Variants in DOCK11 observed in about 807,000 individuals in gnomAD.
The protein encoded by DOCK11 is dedicator of cytokinesis protein 11.
A neutral mutation model predicts 169.1 loss-of-function variants in DOCK11; 70 were observed. The ratio of observed to expected loss-of-function variants is 0.41; its 90% CI spans 0.34 to 0.51. The LOEUF is 0.51. DOCK11 is among the 20% of genes least tolerant of loss of function. DOCK11 has a pLI of 0.10. For synonymous variants in DOCK11, 529 were observed against 541.3 expected (o/e 0.98, Z 0.32); for missense variants, 1,166 against 1,538.8 (o/e 0.76, Z 4.05).
chrX:118,529,821 C>T (rs2011467258), intron 1 of DOCK11, among the ~76,000 whole-genome samples: 2 of 110,898 alleles, frequency 1.8e-5, no homozygotes, highest in Admixed American at 1.9e-4. Flanking sequence ...GTAGACATAA[C>T]CAGGCAGAGA....
chrX:118,675,181 G>A (rs757785051), intron 46 of DOCK11, among the ~76,000 whole-genome samples: 10 of 111,754 alleles, frequency 8.9e-5, no homozygotes, highest in South Asian at 3.7e-4. Flanking sequence ...CTGGAAGTGC[G>A]GAAAAACATA....
At chrX:118,565,101 A>ATT (rs142167945) in intron 7 of DOCK11, among the ~76,000 whole-genome samples, 13 of 105,005 alleles carry the variant, frequency 1.2e-4, no homozygotes, top group Admixed American at 4.2e-4. Flanking sequence ...ACGCCTGGCT[A>ATT]TTTTTTTTTG....
chrX:118,648,024 TATA>T lies in DOCK11; in HGVS notation c.4399-917_4399-915del, dbSNP rs1371087494. Among the ~76,000 whole-genome samples the T allele has an allele frequency of 8.2e-4, 30 of 36,779 alleles. 1 individual carries two copies. The highest frequency in any genetic ancestry group is 1.1e-3 in the Non-Finnish European group (24 of 22,015). 31.9% of individuals were successfully genotyped at this position (36,779 alleles called of 115,157 possible). A position where few individuals can be genotyped will look rare whatever the true frequency, so the allele number is the denominator to read the frequency against. On this transcript the variant is annotated intron_variant, in intron 40 of 52. Coordinates refer to ENST00000276202, the MANE Select transcript of DOCK11 (RefSeq NM_144658.4). ...TATTATTATAATATATAATATAAAT[TATA>T]ATATTATATAATAATATAATATATA...
At chrX:118,573,700 A>G in intron 11 of DOCK11, 106 bp from the exon 12 acceptor site, 1 of 598,527 alleles carries the variant, frequency 1.7e-6, no homozygotes, top group Non-Finnish European at 2.7e-6. Context: ...AAGGAATTGT[A>G]ATCACAGAAA....
intron 40 of DOCK11, among the ~76,000 whole-genome samples, chrX:118,647,705 A>T (rs1426258205): frequency 1.9e-5 from 1 of 52,973 alleles, no homozygotes; most frequent in Non-Finnish European, 3.1e-5. Context: ...TATAATATAT[A>T]ATAATATAAT....
intron 11 of DOCK11, 77 bp from the exon 12 acceptor site, chrX:118,573,729 T>C: frequency 1.2e-6 from 1 of 826,440 alleles, no homozygotes; most frequent in Non-Finnish European, 1.7e-6. Flanking sequence ...ATACAAAACT[T>C]ATTTTGCACT....
intron 12 of DOCK11, among the ~76,000 whole-genome samples, chrX:118,575,418 C>G (rs1345806262): frequency 8.9e-6 from 1 of 112,470 alleles, no homozygotes; most frequent in Non-Finnish European, 1.9e-5. Context: ...AGAAATAATG[C>G]TGCATTGAAC....
Position 118,598,135 on chromosome X carries a change from A to G in DOCK11, c.2472+19A>G. ...CACTCAAGTAAGTTGCATCATTTGA[A>G]TTTTGTCAATTTTTATACTTGAGTT... On this transcript the variant is annotated intron_variant, in intron 22 of 52. Transcript: ENST00000276202. The G allele has an allele frequency of 9.0e-7, 1 of 1,109,028 alleles. No homozygotes were observed. Among genetic ancestry groups the G allele is most frequent in the South Asian group, 2.0e-5 (1 of 49,693 alleles). The allele number at this position is 1,109,028 out of a possible 1,213,427, so 91.4% of individuals were successfully genotyped here. A position where few individuals can be genotyped will look rare whatever the true frequency, so the allele number is the denominator to read the frequency against.
intron 41 of DOCK11, among the ~76,000 whole-genome samples, chrX:118,651,165 G>A (rs2015936221): frequency 8.9e-6 from 1 of 112,034 alleles, no homozygotes; most frequent in Non-Finnish European, 1.9e-5. Context: ...CAAAGACAGT[G>A]GTTCATGCCT....
intron 1 of DOCK11, among the ~76,000 whole-genome samples, chrX:118,509,118 C>A (rs1451556545): frequency 8.9e-6 from 1 of 111,863 alleles, no homozygotes; most frequent in Non-Finnish European, 1.9e-5. Flanking sequence ...CCATAGCTAA[C>A]CCCCTGCCTC....
chrX:118,658,206 G>C (rs1288466450), intron 44 of DOCK11, among the ~76,000 whole-genome samples: 3 of 112,186 alleles, frequency 2.7e-5, no homozygotes, highest in South Asian at 7.4e-4. Flanking sequence ...GAAGCCAAGA[G>C]GGAAGGAGCA....
chrX:118,624,686 T>G (rs753660772), intron 32 of DOCK11, 31 bp downstream of exon 32: 1 of 1,012,657 alleles, frequency 9.9e-7, no homozygotes, highest in African/African-American at 1.9e-5. Flanking sequence ...GTTGGAGTTT[T>G]ATCCTATTTT....
intron 44 of DOCK11, among the ~76,000 whole-genome samples, chrX:118,655,380 T>C (rs1332933823): frequency 9.0e-6 from 1 of 111,633 alleles, no homozygotes; most frequent in Non-Finnish European, 1.9e-5. Context: ...TTTCCAAGAC[T>C]GTCCCTCCCT....
At chrX:118,667,168 C>T (rs182182171) in intron 45 of DOCK11, among the ~76,000 whole-genome samples, 5 of 111,508 alleles carry the variant, frequency 4.5e-5, no homozygotes. Context: ...CTTGACCATT[C>T]ACTTTCTTAA....
At chrX:118,549,364 G>A (rs897414615) in intron 6 of DOCK11, among the ~76,000 whole-genome samples, 3 of 108,680 alleles carry the variant, frequency 2.8e-5, no homozygotes, top group African/African-American at 6.8e-5. Flanking sequence ...GGCTCGTCTC[G>A]AACTCCTGAT....
In DOCK11 at chrX:118,516,004, A is replaced by ACTCTATATAT. The variant is rs1436837389; in HGVS notation, c.102+19931_102+19932insCTCTATATAT. Among the ~76,000 whole-genome samples, 2 of 44,952 alleles carry ACTCTATATAT rather than the reference A, an allele frequency of 4.4e-5. 1 individual carries two copies. Among genetic ancestry groups the ACTCTATATAT allele is most frequent in the African/African-American group, 2.3e-4 (2 of 8,524 alleles). 39.0% of individuals were successfully genotyped at this position (44,952 alleles called of 115,157 possible). A position where few individuals can be genotyped will look rare whatever the true frequency, so the allele number is the denominator to read the frequency against. On this transcript the variant is annotated intron_variant, in intron 1 of 52. Transcript: ENST00000276202. ...ATGTTCAAAAGTAAGGATTTGGGCA[A>ACTCTATATAT]ATATATATATATATACATTCTTACA...
In DOCK11 at chrX:118,496,039, G is replaced by C. The variant is rs2147298600; in HGVS notation, c.68G>C (p.Ser23Thr). 1 of 1,091,887 alleles carries C rather than the reference G, an allele frequency of 9.2e-7. No homozygotes were observed. Among genetic ancestry groups the C allele is most frequent in the Non-Finnish European group, 1.2e-6 (1 of 841,541 alleles). 90.0% of individuals were successfully genotyped at this position (1,091,887 alleles called of 1,213,427 possible). A position where few individuals can be genotyped will look rare whatever the true frequency, so the allele number is the denominator to read the frequency against. Reference protein sequence around the residue: ...KPGTAAELRQSVSEAVRGSVV... With the variant: ...KPGTAAELRQTVSEAVRGSVV... ...GGCACGGCGGCTGAGCTCCGGCAGA[G>C]CGTGTCTGAGGCCGTGCGGGGCTCC... The change falls in exon 1 of 53, where the codon AGC becomes ACC. Residue 23 changes from serine (S) to threonine (T), a missense_variant. Coordinates refer to ENST00000276202, the MANE Select transcript of DOCK11 (RefSeq NM_144658.4).
intron 1 of DOCK11, among the ~76,000 whole-genome samples, chrX:118,533,791 TTTTG>T (rs1569409156): frequency 8.9e-6 from 1 of 112,276 alleles, no homozygotes; most frequent in Non-Finnish European, 1.9e-5. Context: ...AGAGATGTCT[TTTTG>T]TTGTTGTTGT....
intron 1 of DOCK11, among the ~76,000 whole-genome samples, chrX:118,509,332 G>A (rs978929834): frequency 3.6e-5 from 4 of 110,034 alleles, no homozygotes; most frequent in African/African-American, 1.0e-4. Context: ...GTGCAATCTC[G>A]GCTCACTGAA....
Sources: allele counts gnomAD v4.1 joint callset (sites outside exome capture counted in the v4.1 genomes callset), GRCh38; gene constraint gnomAD v4.1.1; transcripts MANE v1.5; gene names NCBI Gene and HGNC (gene_info 2026-07-23, HGNC 2026-07-21).